The following QTMAN variants were observed in gnomAD, a reference collection of about 807,000 sequenced individuals.
QTMAN encodes tRNA-queuosine alpha-mannosyltransferase.
At chr2:144,025,886 AC>A in the QTMAN span, among the ~76,000 whole-genome samples, 2 of 152,160 alleles carry the variant, frequency 1.3e-5, no homozygotes, top group Admixed American at 6.5e-5. Context: ...TGTATAAGTA[AC>A]CGGTCTATTG....
the QTMAN span, among the ~76,000 whole-genome samples, chr2:144,213,155 C>G: frequency 3.3e-5 from 5 of 152,044 alleles, no homozygotes; most frequent in Admixed American, 2.6e-4. Context: ...ACAAAAGTAG[C>G]CTGAAACCAA....
the QTMAN span, among the ~76,000 whole-genome samples, chr2:144,220,095 C>T: frequency 7.9e-5 from 12 of 152,066 alleles, no homozygotes; most frequent in Non-Finnish European, 1.6e-4. Context: ...ATCTTTAATG[C>T]TAAAGTTTAA....
At chr2:144,028,062 A>T in the QTMAN span, among the ~76,000 whole-genome samples, 18 of 152,284 alleles carry the variant, frequency 1.2e-4, no homozygotes, top group East Asian at 3.9e-4. Flanking sequence ...AGCTTCTTAT[A>T]AATAGCACTT....
chr2:144,317,162 T>C, the QTMAN span, among the ~76,000 whole-genome samples: 1 of 152,140 alleles, frequency 6.6e-6, no homozygotes, highest in Non-Finnish European at 1.5e-5. Flanking sequence ...GATCTCATTC[T>C]CCCTTTTATA....
the QTMAN span, among the ~76,000 whole-genome samples, chr2:144,311,059 A>T: frequency 2.0e-5 from 3 of 152,360 alleles, no homozygotes; most frequent in South Asian, 6.2e-4. Flanking sequence ...AATCCATACA[A>T]GTCTGCTAGG....
chr2:144,279,943 G>C, the QTMAN span, among the ~76,000 whole-genome samples: 1 of 152,182 alleles, frequency 6.6e-6, no homozygotes, highest in African/African-American at 2.4e-5. Context: ...GTTGTGGCAA[G>C]GGGGTGGGGC....
the QTMAN span, chr2:144,005,720 A>C: frequency 7.9e-5 from 12 of 152,280 alleles, no homozygotes; most frequent in South Asian, 2.1e-4. Flanking sequence ...AATTAAATTA[A>C]AGCAAAAATA....
chr2:144,182,044 A>G, the QTMAN span, among the ~76,000 whole-genome samples: 2 of 152,134 alleles, frequency 1.3e-5, no homozygotes, highest in Non-Finnish European at 2.9e-5. Flanking sequence ...CAAACTTAGC[A>G]TTATGTAAGG....
the QTMAN span, among the ~76,000 whole-genome samples, chr2:143,996,337 T>A: frequency 6.6e-6 from 1 of 152,054 alleles, no homozygotes; most frequent in East Asian, 1.9e-4. Flanking sequence ...TCTATTACAT[T>A]TATTGGCTAA....
the QTMAN span, among the ~76,000 whole-genome samples, chr2:144,299,217 G>A: frequency 6.6e-6 from 1 of 152,110 alleles, no homozygotes; most frequent in Non-Finnish European, 1.5e-5. Context: ...TAACTTGTGG[G>A]AGACAAGGGT....
At chr2:144,179,821 T>C in the QTMAN span, among the ~76,000 whole-genome samples, 66 of 152,232 alleles carry the variant, frequency 4.3e-4, no homozygotes, top group Non-Finnish European at 7.5e-4. Flanking sequence ...ACAGGTTTCC[T>C]GGATAAAACT....
chr2:144,058,073 C>G, the QTMAN span, among the ~76,000 whole-genome samples: 1 of 149,756 alleles, frequency 6.7e-6, no homozygotes, highest in East Asian at 1.9e-4. Context: ...AAAAAGTCTG[C>G]AGAGAAAAAC....
At chr2:143,973,757 C>A in the QTMAN span, among the ~76,000 whole-genome samples, 3 of 150,524 alleles carry the variant, frequency 2.0e-5, no homozygotes, top group Admixed American at 6.6e-5. Context: ...CCACTGCACT[C>A]CAGCCTGGGC....
the QTMAN span, among the ~76,000 whole-genome samples, chr2:144,262,286 G>A: frequency 1.3e-5 from 2 of 152,072 alleles, no homozygotes; most frequent in Admixed American, 1.3e-4. Flanking sequence ...TGTAGTACCT[G>A]CTATTCAAGA....
At chr2:144,120,125 C>A in the QTMAN span, among the ~76,000 whole-genome samples, 1 of 152,170 alleles carries the variant, frequency 6.6e-6, no homozygotes, top group South Asian at 2.1e-4. Context: ...TAATAAATAT[C>A]TATTGGGAAT....
At chr2:144,003,458 T>C in the QTMAN span, among the ~76,000 whole-genome samples, 1 of 151,406 alleles carries the variant, frequency 6.6e-6, no homozygotes, top group East Asian at 2.0e-4. Context: ...TTGCAGCCTG[T>C]TTTTTACAGG....
the QTMAN span, among the ~76,000 whole-genome samples, chr2:144,238,178 A>G: frequency 1.3e-5 from 2 of 152,340 alleles, no homozygotes; most frequent in South Asian, 2.1e-4. Context: ...CGCCTTCCAC[A>G]GGGAACCCAG....
chr2:144,157,783 A>T, the QTMAN span, among the ~76,000 whole-genome samples: 1 of 151,882 alleles, frequency 6.6e-6, no homozygotes, highest in African/African-American at 2.4e-5. Context: ...TAACACATAT[A>T]TAACTATATA....
At chr2:144,162,010 T>C in the QTMAN span, among the ~76,000 whole-genome samples, 8 of 152,196 alleles carry the variant, frequency 5.3e-5, no homozygotes, top group Admixed American at 1.3e-4. Flanking sequence ...ACAAAGACAT[T>C]TGGACGTGGC....
Sources: gnomAD v4.1 joint callset for allele counts (sites outside exome capture counted in the v4.1 genomes callset) on GRCh38, gnomAD v4.1.1 for gene constraint, MANE v1.5 for transcripts, NCBI Gene and HGNC (gene_info 2026-07-23, HGNC 2026-07-21) for gene names.